Variants in GRIA1 observed in about 807,000 individuals in gnomAD.
GRIA1 encodes glutamate ionotropic receptor AMPA type subunit 1.
In GRIA1, 31 loss-of-function variants were observed where a neutral mutation model predicts 99.2. The observed-to-expected ratio is 0.31, with a 90% CI of 0.23 to 0.42. The LOEUF (loss-of-function observed/expected upper bound fraction) is 0.42. Ranked by LOEUF, GRIA1 falls within the 10% of genes least tolerant of loss-of-function variation. The probability of loss-of-function intolerance (pLI) is 1.00; values close to 1 mark genes in which losing one functional copy is unlikely to be tolerated. For synonymous variants in GRIA1, 438 were observed against 432.4 expected (o/e 1.01, Z -0.16); for missense variants, 782 against 1,157.5 (o/e 0.68, Z 4.71).
intron 2 of GRIA1, among the ~76,000 whole-genome samples, chr5:153,626,458 G>GTC (rs1767628627): frequency 6.7e-6 from 1 of 148,838 alleles, no homozygotes; most frequent in Admixed American, 6.7e-5. Flanking sequence ...GTGTGTGTGT[G>GTC]TGTGTGTGTG....
chr5:153,552,836 T>C (rs1266748781), intron 2 of GRIA1, among the ~76,000 whole-genome samples: 3 of 152,236 alleles, frequency 2.0e-5, no homozygotes, highest in African/African-American at 7.2e-5. Flanking sequence ...CTGTCCTTTT[T>C]CATAAGTTCA....
intron 2 of GRIA1, among the ~76,000 whole-genome samples, chr5:153,508,517 G>A (rs1167094649): frequency 6.6e-6 from 1 of 152,054 alleles, no homozygotes; most frequent in African/African-American, 2.4e-5. Context: ...ACAGAAAGAA[G>A]GCCAGTGGAG....
intron 2 of GRIA1, among the ~76,000 whole-genome samples, chr5:153,642,742 G>T (rs1753864775): frequency 6.6e-6 from 1 of 152,094 alleles, no homozygotes; most frequent in Admixed American, 6.5e-5. Flanking sequence ...CATGATGGAA[G>T]TCTGTGCATT....
At chr5:153,566,798 C>T (rs1325025272) in intron 2 of GRIA1, among the ~76,000 whole-genome samples, 6 of 140,936 alleles carry the variant, frequency 4.3e-5, no homozygotes, top group Non-Finnish European at 9.0e-5. Context: ...CTTACTGCAA[C>T]CTCCGCCTCC....
chr5:153,500,597 T>C (rs371742485), intron 2 of GRIA1, among the ~76,000 whole-genome samples: 6 of 116,218 alleles, frequency 5.2e-5, no homozygotes, highest in South Asian at 2.8e-4. Flanking sequence ...TCTCTCTCTC[T>C]CCCCCTCTTA....
intron 11 of GRIA1, among the ~76,000 whole-genome samples, chr5:153,736,658 TGA>T (rs1375621969): frequency 1.3e-5 from 2 of 152,220 alleles, no homozygotes; most frequent in East Asian, 3.8e-4. Context: ...GCTTTAACTT[TGA>T]GAGATGATCT....
intron 14 of GRIA1, among the ~76,000 whole-genome samples, chr5:153,796,858 T>A (rs1581672417): frequency 6.9e-6 from 1 of 144,724 alleles, no homozygotes; most frequent in African/African-American, 2.5e-5. Context: ...GTCCATCCAT[T>A]CTGGATGTAC....
intron 2 of GRIA1, among the ~76,000 whole-genome samples, chr5:153,618,135 A>G (rs576367308): frequency 1.3e-5 from 2 of 152,220 alleles, no homozygotes; most frequent in Non-Finnish European, 2.9e-5. Context: ...CGAAGGTGGA[A>G]ATGGATGGGC....
intron 2 of GRIA1, among the ~76,000 whole-genome samples, chr5:153,578,705 G>A (rs900539176): frequency 2.6e-5 from 4 of 152,110 alleles, no homozygotes; most frequent in Non-Finnish European, 5.9e-5. Context: ...TCAGGAATTC[G>A]AGACCAGCCT....
At position 153,490,878 on chromosome 5, in the gene GRIA1, C is replaced by T. The variant is rs771331045; in HGVS notation, c.-11C>T. 6.2e-7 allele frequency: 1 copy of T among 1,611,344 alleles called. No homozygotes were observed. Among genetic ancestry groups the T allele is most frequent in the Non-Finnish European group, 8.5e-7 (1 of 1,177,582 alleles). ...GACCTGGGCTTCTTTTTCGCCAATG[C>T]AAAAAGGAATATGCAGCACATTTTT... On this transcript the variant is annotated 5_prime_UTR_variant, in exon 1 of 16. An upstream open reading frame in the 5' UTR gains an earlier in-frame stop. Transcript: ENST00000285900.
chr5:153,657,123 T>G (rs957152093), intron 5 of GRIA1, among the ~76,000 whole-genome samples: 11 of 152,226 alleles, frequency 7.2e-5, no homozygotes, highest in Non-Finnish European at 1.3e-4. Context: ...CACATTTGGG[T>G]TGTTTTCACT....
At chr5:153,689,464 A>T (rs541609168) in intron 8 of GRIA1, among the ~76,000 whole-genome samples, 3 of 152,218 alleles carry the variant, frequency 2.0e-5, no homozygotes, top group Admixed American at 1.3e-4. Context: ...TAAAATATGG[A>T]TGTCGAACTG....
chr5:153,492,434 G>C, intron 1 of GRIA1: 1 of 916,022 alleles, frequency 1.1e-6, no homozygotes, highest in Non-Finnish European at 1.5e-6. Context: ...TTCATTCATT[G>C]CAGAGGAGGA....
chr5:153,637,119 C>T (rs1753421564), intron 2 of GRIA1, among the ~76,000 whole-genome samples: 1 of 152,122 alleles, frequency 6.6e-6, no homozygotes, highest in African/African-American at 2.4e-5. Flanking sequence ...ACATAGTAAA[C>T]ACTCAATAGG....
chr5:153,538,572 C>T (rs1189307089), intron 2 of GRIA1, among the ~76,000 whole-genome samples: 1 of 152,078 alleles, frequency 6.6e-6, no homozygotes, highest in East Asian at 1.9e-4. Flanking sequence ...TTAGTCAGCT[C>T]ACAGGACACT....
intron 2 of GRIA1, chr5:153,573,171 C>CTGTCT (rs2149365099): frequency 6.6e-6 from 1 of 152,290 alleles, no homozygotes; most frequent in South Asian, 2.1e-4. Flanking sequence ...CCAGGAAAGT[C>CTGTCT]TGTCTTATTT....
At chr5:153,555,270 T>C (rs568952833) in intron 2 of GRIA1, among the ~76,000 whole-genome samples, 28 of 151,718 alleles carry the variant, frequency 1.8e-4, no homozygotes, top group African/African-American at 6.8e-4. Context: ...TGCTGTCCCA[T>C]ACTAGATTCT....
rs368487492 is a variant in GRIA1 at position 153,664,692 on chromosome 5, A to G, written c.699+8820A>G. Reference sequence around the variant, plus strand: ...CTTCTTCTCTGCTACATTTCTATGTATAGCATGGGCCTGACAGTGTTAAGC... The same window carrying G: ...CTTCTTCTCTGCTACATTTCTATGTGTAGCATGGGCCTGACAGTGTTAAGC... On this transcript the variant is annotated intron_variant, in intron 5 of 15. Transcript: ENST00000285900. Among the ~76,000 whole-genome samples the G allele has an allele frequency of 5.3e-5, 8 of 152,204 alleles. No individual in the cohort carries two copies. The East Asian group carries it at 1.3e-3, about 26-fold the overall frequency.
At chr5:153,712,600 T>C (rs74362244) in intron 11 of GRIA1, among the ~76,000 whole-genome samples, 1,623 of 129,894 alleles carry the variant, frequency 0.012, 12 homozygotes, top group Non-Finnish European at 0.02. Flanking sequence ...GTCACTGTAG[T>C]ATTGTGGGGA....
Sources: gnomAD v4.1 joint callset for allele counts (sites outside exome capture counted in the v4.1 genomes callset) on GRCh38, gnomAD v4.1.1 for gene constraint, MANE v1.5 for transcripts, NCBI Gene and HGNC (gene_info 2026-07-23, HGNC 2026-07-21) for gene names.